CLIP3: variants seen among roughly 807,000 people sequenced by gnomAD.
CLIP3 encodes CAP-Gly domain containing linker protein 3.
A neutral mutation model predicts 59.4 loss-of-function variants in CLIP3; 15 were observed. That is an observed-to-expected ratio of 0.25 (90% CI 0.17 to 0.39). CLIP3 has a LOEUF of 0.39. CLIP3 is among the 10% of genes least tolerant of loss of function. The pLI is 1.00. For synonymous variants in CLIP3, 300 were observed against 321.6 expected, an observed-to-expected ratio of 0.93 and a Z score of 0.72; for missense variants, 495 against 765.7, an observed-to-expected ratio of 0.65 and a Z score of 4.17.
rs1363933675 is a variant in CLIP3, at chr19:36,032,602, ATTC to A, written c.-59+119_-59+121del. On this transcript the variant is annotated intron_variant, in intron 1 of 13. Transcript: ENST00000360535. The surrounding 1 kb of genome is among the most constrained non-coding windows in gnomAD (Gnocchi z 4.3). ...CCACCTCCCCCAGGCCCAGCCCCCCATTCTTCTCCTCCCGCGTCAGGCCCCTCA... is the reference window on the plus strand; with the variant it reads ...CCACCTCCCCCAGGCCCAGCCCCCCATTCTCCTCCCGCGTCAGGCCCCTCA... The A allele has an allele frequency of 8.6e-6, 3 of 349,466 alleles. No individual in the cohort carries two copies. The highest frequency in any genetic ancestry group is 1.0e-5 in the Non-Finnish European group (2 of 196,780). 21.6% of individuals were successfully genotyped at this position (349,466 alleles called of 1,614,324 possible). A position where few individuals can be genotyped will look rare whatever the true frequency, so the allele number is the denominator to read the frequency against.
rs1969251111 is a variant in CLIP3, at chr19:36,031,024, T to TTTTTTTTTTTTTTTTTTTC, written c.166+1167_166+1168insGAAAAAAAAAAAAAAAAAA. On this transcript the variant is annotated intron_variant, in intron 2 of 13. Coordinates refer to ENST00000360535, the MANE Select transcript of CLIP3 (RefSeq NM_015526.3). The stretch of plus-strand genomic sequence containing the variant: ...TTTTCTTTTCTTTTTTTTTTTTTTC[T>TTTTTTTTTTTTTTTTTTTC]TTTTTTTTTTTTTTTTTGAGACAGT... Among the ~76,000 whole-genome samples the TTTTTTTTTTTTTTTTTTTC allele has an allele frequency of 1.6e-4, 12 of 73,572 alleles. No homozygotes were observed. The South Asian group carries it at 2.1e-3, about 13-fold the overall frequency. 48.3% of individuals were successfully genotyped at this position (73,572 alleles called of 152,430 possible).
At chr19:36,019,508 T>C (rs1215304453) in intron 7 of CLIP3, 6 of 670,430 alleles carry the variant, frequency 8.9e-6, no homozygotes, top group Non-Finnish European at 1.6e-5. Flanking sequence ...GAAATTATAC[T>C]CACCTTATAG....
intron 2 of CLIP3, among the ~76,000 whole-genome samples, chr19:36,028,255 T>G (rs938710488): frequency 2.6e-5 from 4 of 151,980 alleles, no homozygotes; most frequent in African/African-American, 9.7e-5. Flanking sequence ...GGAGAATCAC[T>G]TGAACTCAGG....
chr19:36,027,204 G>A lies in CLIP3; in HGVS notation c.234C>T (p.Ile78=), dbSNP rs1221541153. The change falls in exon 3 of 14, where the codon ATC becomes ATT. Residue 78 remains isoleucine (I), a synonymous_variant. Coordinates refer to ENST00000360535, the MANE Select transcript of CLIP3 (RefSeq NM_015526.3). ...QEILFDPQTT[I]PELFAIVRQW... is the part of the protein sequence containing the mutation. ...GGCGCACAATGGCAAACAGCTCGGGGATGGTGGTCTGAGGGTCAAACAGGA... is the reference window on the plus strand; with the variant it reads ...GGCGCACAATGGCAAACAGCTCGGGAATGGTGGTCTGAGGGTCAAACAGGA... 5 of 1,613,836 alleles carry A rather than the reference G, an allele frequency of 3.1e-6. No homozygotes were observed. In the African/African-American group the frequency reaches 5.3e-5, roughly 17 times the overall value.
intron 2 of CLIP3, among the ~76,000 whole-genome samples, chr19:36,029,499 G>A (rs1008902896): frequency 2.0e-5 from 3 of 149,954 alleles, no homozygotes; most frequent in Non-Finnish European, 3.0e-5. Context: ...TGCCCAGGCT[G>A]GTCTCGAACT....
At position 36,016,265 on chromosome 19, in the gene CLIP3, G is replaced by A; in HGVS notation, c.1590-53C>T. 1.3e-6 allele frequency: 2 copies of A among 1,597,994 alleles called. No individual in the cohort carries two copies. The highest frequency in any genetic ancestry group is 1.7e-5 in the Admixed American group (1 of 59,516). ...CCTTAGGCAGGCAGCGGGGACATCT[G>A]CACCCATCACCCCCAGCCTTTCCCC... is the stretch of plus-strand genomic sequence containing the variant. On this transcript the variant is annotated intron_variant, in intron 13 of 13. Coordinates refer to ENST00000360535, the MANE Select transcript of CLIP3 (RefSeq NM_015526.3). This position sits in a 1 kb window ranked among gnomAD's most constrained non-coding sequence, Gnocchi z 4.1.
chr19:36,017,129 A>C, intron 12 of CLIP3, 150 bp from the exon 13 acceptor site: 1 of 883,312 alleles, frequency 1.1e-6, no homozygotes, highest in Non-Finnish European at 1.8e-6. Flanking sequence ...CCTCTTGTCC[A>C]TAATTCCCAC....
chr19:36,019,607 A>ATTAT (rs1968901651), intron 7 of CLIP3, among the ~76,000 whole-genome samples: 10 of 117,580 alleles, frequency 8.5e-5, no homozygotes, highest in East Asian at 2.2e-4. Flanking sequence ...TATTTTATTT[A>ATTAT]TTTTTTTTTT....
intron 9 of CLIP3, 103 bp from the exon 10 acceptor site, chr19:36,018,094 T>G: frequency 7.5e-7 from 1 of 1,338,988 alleles, no homozygotes; most frequent in Non-Finnish European, 1.0e-6. Context: ...GTTCTTCGTT[T>G]GAAGTGAAAC....
chr19:36,018,358 C>G (rs564921930), intron 9 of CLIP3, among the ~76,000 whole-genome samples: 50 of 152,214 alleles, frequency 3.3e-4, no homozygotes, highest in African/African-American at 1.1e-3. Flanking sequence ...GCGGGCAGAT[C>G]ACTTGAGGTC....
intron 7 of CLIP3, among the ~76,000 whole-genome samples, chr19:36,023,296 G>T (rs1407732736): frequency 6.6e-6 from 1 of 152,106 alleles, no homozygotes; most frequent in Non-Finnish European, 1.5e-5. Context: ...CTGTGACCCA[G>T]CCTTGCTGAC....
chr19:36,017,501 C>G, intron 11 of CLIP3, 51 bp from the exon 12 acceptor site: 1 of 1,609,608 alleles, frequency 6.2e-7, no homozygotes, highest in Middle Eastern at 1.7e-4. Context: ...AGGCCAGGGT[C>G]TGACTGAGAG....
At position 36,017,960 on chromosome 19, in the gene CLIP3, C is replaced by G; in HGVS notation, c.1215G>C (p.Leu405=). 1 of 1,614,066 alleles carries G rather than the reference C, an allele frequency of 6.2e-7. No individual in the cohort carries two copies. The highest frequency in any genetic ancestry group is 8.5e-7 in the Non-Finnish European group (1 of 1,180,042). Reference sequence around the variant, plus strand: ...CCCCGTCACGCTGCTGCAAGCTGCCCAGAGATGGGGATGATGGGGTCTTCT... The same window carrying G: ...CCCCGTCACGCTGCTGCAAGCTGCCGAGAGATGGGGATGATGGGGTCTTCT... ...GKKKTPSSPS[L]GSLQQRDGAK... Residue 405 remains leucine, a synonymous_variant, in exon 10 of 14, where the codon CTG becomes CTC. Transcript: ENST00000360535.
At chr19:36,018,266 T>C (rs992146750) in intron 9 of CLIP3, among the ~76,000 whole-genome samples, 1 of 152,030 alleles carries the variant, frequency 6.6e-6, no homozygotes, top group Non-Finnish European at 1.5e-5. Context: ...CCTTTTAAAA[T>C]GAAGGGAAAA....
At position 36,016,770 on chromosome 19, in the gene CLIP3, G is replaced by A. The variant is rs1968809431; in HGVS notation, c.1589+137C>T. The A allele has an allele frequency of 1.2e-6, 1 of 853,332 alleles. No individual in the cohort carries two copies. The highest frequency in any genetic ancestry group is 1.9e-6 in the Non-Finnish European group (1 of 529,016). The allele number at this position is 853,332 out of a possible 1,614,324, so 52.9% of individuals were successfully genotyped here. A position where few individuals can be genotyped will look rare whatever the true frequency, so the allele number is the denominator to read the frequency against. The stretch of plus-strand genomic sequence containing the variant: ...CCTACACCCTAAAGACTGTTTCTGG[G>A]TATGCTTACAAGTCACAAGTTTTCC... On this transcript the variant is annotated intron_variant, in intron 13 of 13. Transcript: ENST00000360535. This position sits in a 1 kb window ranked among gnomAD's most constrained non-coding sequence, Gnocchi z 4.1.
chr19:36,026,213 A>C lies in CLIP3; in HGVS notation c.615T>G (p.Ala205=). ...CGGCGCCCAGGCACAGGCTGGAAGCAGCGATGTGCAGGGCTGAGCCGTGGT... is the reference window on the plus strand; with the variant it reads ...CGGCGCCCAGGCACAGGCTGGAAGCCGCGATGTGCAGGGCTGAGCCGTGGT... ...DFNHGSALHI[A]ASSLCLGAAK... Residue 205 remains alanine (A), a synonymous_variant, in exon 6 of 14, where the codon GCT becomes GCG. Coordinates refer to ENST00000360535, the MANE Select transcript of CLIP3 (RefSeq NM_015526.3). This position sits in a 1 kb window ranked among gnomAD's most constrained non-coding sequence, Gnocchi z 6.3. 2 of 1,613,834 alleles carry C rather than the reference A, an allele frequency of 1.2e-6. No homozygotes were observed. Among genetic ancestry groups the C allele is most frequent in the Non-Finnish European group, 8.5e-7 (1 of 1,180,000 alleles).
At chr19:36,025,918 G>A (rs1030811695) in intron 6 of CLIP3, among the ~76,000 whole-genome samples, 5 of 152,248 alleles carry the variant, frequency 3.3e-5, no homozygotes, top group African/African-American at 1.2e-4. Flanking sequence ...ACCCTGGGCA[G>A]ATCCCTTAAT....
At chr19:36,019,127 T>C (rs1450069434) in intron 8 of CLIP3, 44 bp downstream of exon 8, 2 of 1,611,492 alleles carry the variant, frequency 1.2e-6, no homozygotes, top group Non-Finnish European at 1.7e-6. Context: ...AACTGCCGAG[T>C]GGACACCCAG....
chr19:36,026,676 G>A lies in CLIP3; in HGVS notation c.472C>T (p.Arg158Cys), dbSNP rs1484734395. The A allele has an allele frequency of 6.2e-7, 1 of 1,611,072 alleles. No homozygotes were observed. Among genetic ancestry groups the A allele is most frequent in the African/African-American group, 1.3e-5 (1 of 74,886 alleles). The change falls in exon 5 of 14, where the codon CGC (arginine) becomes TGC (cysteine). Residue 158 changes from arginine (R) to cysteine (C), a missense_variant. Physicochemically the swap from Arg to Cys is radical, Grantham distance 180. Transcript: ENST00000360535. The surrounding 1 kb of genome is among the most constrained non-coding windows in gnomAD (Gnocchi z 6.3). ...TGAAGCGCGTTCATGTTGGTCCAGC[G>A]GCTGCGCAGCGTCACATCTGCGCCC... Reference protein sequence around the residue: ...ALGADVTLRSRWTNMNALHYA... With the variant: ...ALGADVTLRSCWTNMNALHYA...
Sources: allele counts gnomAD v4.1 joint callset (sites outside exome capture counted in the v4.1 genomes callset), GRCh38; gene constraint gnomAD v4.1.1; non-coding constraint Gnocchi (gnomAD v3.1); transcripts MANE v1.5; gene names NCBI Gene and HGNC (gene_info 2026-07-23, HGNC 2026-07-21).